RNF150: variants seen among roughly 807,000 people sequenced by gnomAD.
RNF150 encodes ring finger protein 150.
RNF150 carries 24 observed loss-of-function variants against 39.3 expected under a neutral mutation model. The observed-to-expected ratio is 0.61, with a 90% confidence interval of 0.44 to 0.86. RNF150 has a LOEUF of 0.86. RNF150 is among the 40% of genes least tolerant of loss of function. RNF150 has a pLI of 0.00. For missense variants in RNF150, 502 were observed against 587.8 expected (o/e 0.85, Z 1.51); for synonymous variants, 255 against 227.3 (o/e 1.12, Z -1.10).
intron 6 of RNF150, among the ~76,000 whole-genome samples, chr4:140,883,183 A>G (rs1729437870): frequency 6.6e-6 from 1 of 152,166 alleles, no homozygotes; most frequent in Non-Finnish European, 1.5e-5. Context: ...TCCCTTCTAC[A>G]CTAAGTTACT....
chr4:141,038,131 C>T (rs940599274), intron 1 of RNF150, among the ~76,000 whole-genome samples: 1 of 152,060 alleles, frequency 6.6e-6, no homozygotes, highest in Non-Finnish European at 1.5e-5. Flanking sequence ...ACATGTGTAC[C>T]CCTAAAGGGC....
At chr4:141,117,673 T>C (rs1193752813) in intron 1 of RNF150, among the ~76,000 whole-genome samples, 1 of 152,314 alleles carries the variant, frequency 6.6e-6, no homozygotes, top group Middle Eastern at 3.4e-3. Context: ...ATGTAAGAAA[T>C]AGCTCTGGAT....
Position 141,072,300 on chromosome 4 carries a change from A to G in RNF150, c.484+60025T>C, listed in dbSNP as rs530122908. 7.0e-4 allele frequency among the ~76,000 whole-genome samples: 106 copies of G among 152,356 alleles called. 2 individuals are homozygous for G. In the South Asian group the frequency reaches 0.022, roughly 31 times the overall value. On this transcript the variant is annotated intron_variant, in intron 1 of 6. Coordinates refer to ENST00000515673, the MANE Select transcript of RNF150 (RefSeq NM_020724.2). ...TCTTCTACCCACTGACCACTTCTGA[A>G]AAACAGAAACTGCATTACCATAAAC...
chr4:140,925,762 A>G (rs1731375421), intron 5 of RNF150, among the ~76,000 whole-genome samples: 1 of 152,202 alleles, frequency 6.6e-6, no homozygotes, highest in South Asian at 2.1e-4. Flanking sequence ...ACAGACAAAT[A>G]TAATGGACAT....
At chr4:140,995,131 C>T (rs974420193) in intron 1 of RNF150, among the ~76,000 whole-genome samples, 1 of 152,112 alleles carries the variant, frequency 6.6e-6, no homozygotes, top group African/African-American at 2.4e-5. Flanking sequence ...CCACTCCAAC[C>T]CTACTACTCT....
intron 2 of RNF150, among the ~76,000 whole-genome samples, chr4:140,964,914 G>A (rs563508423): frequency 4.3e-4 from 65 of 151,828 alleles, no homozygotes; most frequent in African/African-American, 1.5e-3. Context: ...GTATATATGG[G>A]TATTTAATAT....
rs959923366 is a variant in RNF150, at chr4:141,133,197, G to T, written c.-389C>A. On this transcript the variant is annotated 5_prime_UTR_variant, in exon 1 of 7. Transcript: ENST00000515673. ...TGGCGGCCCTGCGCCCTCCAGCCCC[G>T]GCGGGGACGGGCACGATTGCTCGTA... is the stretch of plus-strand genomic sequence containing the variant. 3 of 236,790 alleles carry T rather than the reference G, an allele frequency of 1.3e-5. No individual in the cohort carries two copies. The highest frequency in any genetic ancestry group is 5.9e-5 in the Admixed American group (1 of 16,922). The allele number at this position is 236,790 out of a possible 1,614,324, so 14.7% of individuals were successfully genotyped here.
rs73857145 is a variant in RNF150 at position 140,955,475 on chromosome 4, C to T, written c.736-6103G>A. Among the ~76,000 whole-genome samples, 1,151 of 152,214 alleles carry T rather than the reference C, an allele frequency of 7.6e-3. 18 individuals carry two copies. The highest frequency in any genetic ancestry group is 0.026 in the African/African-American group (1,089 of 41,510). On this transcript the variant is annotated intron_variant, in intron 2 of 6. Coordinates refer to ENST00000515673, the MANE Select transcript of RNF150 (RefSeq NM_020724.2). The stretch of plus-strand genomic sequence containing the variant: ...ACTTAAACACTGTGGCCCTCTGTCC[C>T]CTTATTAATAACATAAGGTATGTAA...
At chr4:141,055,429 C>T (rs1578676595) in intron 1 of RNF150, among the ~76,000 whole-genome samples, 2 of 152,018 alleles carry the variant, frequency 1.3e-5, no homozygotes, top group East Asian at 3.8e-4. Flanking sequence ...GAGTTTTATT[C>T]CTTTAAAATT....
intron 1 of RNF150, among the ~76,000 whole-genome samples, chr4:141,197,720 T>C (rs1728223110): frequency 6.6e-6 from 1 of 151,742 alleles, no homozygotes; most frequent in African/African-American, 2.4e-5. Context: ...CTACTAAAAC[T>C]ACAAAAAATT....
At chr4:141,060,030 C>T (rs576682000) in intron 1 of RNF150, among the ~76,000 whole-genome samples, 1 of 152,274 alleles carries the variant, frequency 6.6e-6, no homozygotes, top group East Asian at 1.9e-4. Context: ...ATTGAAGCTT[C>T]TACAGCCATC....
intron 4 of RNF150, among the ~76,000 whole-genome samples, chr4:140,927,492 T>G (rs1197348443): frequency 2.6e-5 from 4 of 152,102 alleles, no homozygotes; most frequent in Non-Finnish European, 5.9e-5. Context: ...CCACCCCGCT[T>G]CCTTCTGCTC....
At chr4:141,007,203 T>G (rs1734899965) in intron 1 of RNF150, among the ~76,000 whole-genome samples, 1 of 152,240 alleles carries the variant, frequency 6.6e-6, no homozygotes, top group Non-Finnish European at 1.5e-5. Flanking sequence ...CAAGGCAGCC[T>G]GCTCTCTTCC....
intron 1 of RNF150, among the ~76,000 whole-genome samples, chr4:141,096,832 G>A (rs1738805479): frequency 6.6e-6 from 1 of 152,168 alleles, no homozygotes; most frequent in Non-Finnish European, 1.5e-5. Flanking sequence ...AGAGTGCTCT[G>A]AATACTTGGC....
At chr4:140,917,272 A>G (rs1354126542) in intron 5 of RNF150, among the ~76,000 whole-genome samples, 1 of 152,214 alleles carries the variant, frequency 6.6e-6, no homozygotes, top group Admixed American at 6.5e-5. Flanking sequence ...AAGACCCATC[A>G]GCGTGCTATA....
intron 1 of RNF150, among the ~76,000 whole-genome samples, chr4:141,186,014 A>G (rs1229568295): frequency 6.6e-6 from 1 of 152,188 alleles, no homozygotes; most frequent in African/African-American, 2.4e-5. Flanking sequence ...TGTCTTTGCC[A>G]GATTTTGATA....
At chr4:140,904,043 C>T (rs751745039) in intron 6 of RNF150, among the ~76,000 whole-genome samples, 2 of 152,096 alleles carry the variant, frequency 1.3e-5, no homozygotes, top group Non-Finnish European at 2.9e-5. Context: ...CCCTGTGGAT[C>T]GTGGATTGGG....
chr4:141,000,995 A>T (rs1734646899), intron 1 of RNF150, among the ~76,000 whole-genome samples: 1 of 152,242 alleles, frequency 6.6e-6, no homozygotes, highest in African/African-American at 2.4e-5. Flanking sequence ...AAATTGCTAC[A>T]GAGAAAAAGA....
intron 1 of RNF150, among the ~76,000 whole-genome samples, chr4:141,008,663 C>A (rs1430383139): frequency 6.6e-6 from 1 of 152,138 alleles, no homozygotes; most frequent in East Asian, 1.9e-4. Flanking sequence ...AAATTCCATT[C>A]TTTCTCCTCT....
Sources: allele counts gnomAD v4.1 joint callset (sites outside exome capture counted in the v4.1 genomes callset), GRCh38; gene constraint gnomAD v4.1.1; transcripts MANE v1.5; gene names NCBI Gene and HGNC (gene_info 2026-07-23, HGNC 2026-07-21).